Variants in LTBP1 observed in about 807,000 individuals in gnomAD.
LTBP1 encodes latent transforming growth factor beta binding protein 1, also known as latent-transforming growth factor beta-binding protein 1.
LTBP1 carries 129 observed loss-of-function variants against 207.6 expected under a neutral mutation model. The ratio of observed to expected loss-of-function variants is 0.62; its 90% CI spans 0.54 to 0.72. The LOEUF (loss-of-function observed/expected upper bound fraction) is 0.72, where lower values mean the gene tolerates loss of function less well. LTBP1 is among the 30% of genes least tolerant of loss of function. LTBP1 has a pLI of 0.00. For missense variants in LTBP1, 2,281 were observed against 2,217.2 expected, an observed-to-expected ratio of 1.03 and a Z score of -0.58; for synonymous variants, 963 against 833.7, an observed-to-expected ratio of 1.16 and a Z score of -2.67.
At chr2:33,373,890 A>G (rs924265398) in intron 31 of LTBP1, among the ~76,000 whole-genome samples, 17 of 152,228 alleles carry the variant, frequency 1.1e-4, no homozygotes, top group African/African-American at 3.9e-4. Flanking sequence ...TAAATTCACC[A>G]TTTGCTGTGA....
At chr2:33,242,895 T>C (rs2092383797) in intron 9 of LTBP1, among the ~76,000 whole-genome samples, 2 of 152,240 alleles carry the variant, frequency 1.3e-5, no homozygotes, top group Admixed American at 1.3e-4. Context: ...ACCTTTAGTA[T>C]ATAGCTCCCT....
At chr2:33,306,267 G>C (rs1055962930) in intron 22 of LTBP1, among the ~76,000 whole-genome samples, 3 of 152,100 alleles carry the variant, frequency 2.0e-5, no homozygotes, top group Admixed American at 1.3e-4. Context: ...GAATCAAATT[G>C]CTTTAAAGTA....
At chr2:33,266,102 C>G (rs1033688507) in intron 15 of LTBP1, among the ~76,000 whole-genome samples, 1 of 152,238 alleles carries the variant, frequency 6.6e-6, no homozygotes, top group Admixed American at 6.5e-5. Flanking sequence ...TCACCACAGG[C>G]TCAGAAGTGC....
intron 31 of LTBP1, among the ~76,000 whole-genome samples, chr2:33,368,491 AATGAACCTCCATGT>A (rs2095027865): frequency 6.6e-6 from 1 of 152,246 alleles, no homozygotes; most frequent in Non-Finnish European, 1.5e-5. Context: ...ACAATGCTGC[AATGAACCTCCATGT>A]ATGCGTCTGC....
At chr2:33,324,696 TATC>T (rs1444692210) in intron 24 of LTBP1, among the ~76,000 whole-genome samples, 1 of 145,476 alleles carries the variant, frequency 6.9e-6, no homozygotes, top group Non-Finnish European at 1.5e-5. Flanking sequence ...TACTGTATTC[TATC>T]TTTTTTTTTT....
At chr2:33,270,544 C>T (rs1232521935) in intron 15 of LTBP1, among the ~76,000 whole-genome samples, 2 of 135,558 alleles carry the variant, frequency 1.5e-5, no homozygotes, top group Admixed American at 8.5e-5. Flanking sequence ...GAGCCGAGAT[C>T]GTGCCACTGC....
At position 33,222,149 on chromosome 2, in the gene LTBP1, A is replaced by G. The variant is rs762088730; in HGVS notation, c.1874A>G (p.Gln625Arg). The G allele has an allele frequency of 1.9e-6, 3 of 1,606,076 alleles. No homozygotes were observed. The highest frequency in any genetic ancestry group is 2.2e-5 in the South Asian group (2 of 90,966). ...AAGCGGGTTAACAACACCTTTTGCC[A>G]AGGTAAGACTAACTGAATTCATTGA... ...GYKRVNNTFC[Q>R]DINECQLQGV... Residue 625 changes from glutamine to arginine, a missense_variant and splice_region_variant, in exon 9 of 34, where the codon CAA (glutamine) becomes CGA (arginine). By Grantham distance (43) the Gln-to-Arg change is conservative. This residue lies in a region of LTBP1 where 1,671 missense variants were observed against 1,634.8 expected (regional missense o/e 1.02). Coordinates refer to ENST00000404816, the MANE Select transcript of LTBP1 (RefSeq NM_206943.4).
chr2:32,993,659 C>G (rs887111182), intron 2 of LTBP1, among the ~76,000 whole-genome samples: 1 of 152,132 alleles, frequency 6.6e-6, no homozygotes, highest in Non-Finnish European at 1.5e-5. Flanking sequence ...TACTGAAGGC[C>G]GTGTGGGGAA....
intron 24 of LTBP1, among the ~76,000 whole-genome samples, chr2:33,336,260 C>A (rs75348861): frequency 1.3e-5 from 2 of 152,308 alleles, no homozygotes; most frequent in South Asian, 4.1e-4. Flanking sequence ...TTTGGGCTCA[C>A]AGTTTGGTTA....
At chr2:33,012,180 AAAATTGAGCATAG>A (rs1311410904) in intron 2 of LTBP1, among the ~76,000 whole-genome samples, 1 of 152,242 alleles carries the variant, frequency 6.6e-6, no homozygotes, top group Non-Finnish European at 1.5e-5. Context: ...TGCCTGGTGC[AAAATTGAGCATAG>A]AATTGTCACT....
At chr2:33,078,857 C>CTTTTTTTT (rs879714056) in intron 3 of LTBP1, among the ~76,000 whole-genome samples, 1,466 of 91,958 alleles carry the variant, frequency 0.016, 18 homozygotes, top group East Asian at 0.032. Flanking sequence ...CTTTTCTTTT[C>CTTTTTTTT]TTTTCTTTTT....
intron 3 of LTBP1, among the ~76,000 whole-genome samples, chr2:33,050,006 C>T (rs577369196): frequency 2.3e-3 from 345 of 151,934 alleles, no homozygotes; most frequent in Non-Finnish European, 3.8e-3. Context: ...TGCGCCCAGC[C>T]AATTTTTACA....
chr2:33,303,752 T>G (rs1216357065), intron 22 of LTBP1, among the ~76,000 whole-genome samples: 7 of 152,172 alleles, frequency 4.6e-5, no homozygotes, highest in African/African-American at 7.2e-5. Flanking sequence ...CAGCTGCTGA[T>G]CTGTCAGGAG....
chr2:33,188,581 A>G lies in LTBP1; in HGVS notation c.1431A>G (p.Lys477=), dbSNP rs2148842643. The G allele has an allele frequency of 1.2e-6, 2 of 1,608,644 alleles. No homozygotes were observed. The highest frequency in any genetic ancestry group is 1.7e-4 in the Middle Eastern group (1 of 6,050). The change falls in exon 7 of 34, where the codon AAA becomes AAG. Residue 477 remains lysine, a synonymous_variant. Coordinates refer to ENST00000404816, the MANE Select transcript of LTBP1 (RefSeq NM_206943.4). ...TVTSQQGVKV[K]FPPNIVNIHV... is the part of the protein sequence containing the mutation. ...TTTCCTCCCAATCTGTTGTAGTGAA[A>G]TTTCCTCCTAACATAGTCAATATCC...
intron 3 of LTBP1, among the ~76,000 whole-genome samples, chr2:33,075,214 A>G (rs963112867): frequency 6.6e-5 from 10 of 152,234 alleles, no homozygotes; most frequent in African/African-American, 2.4e-4. Context: ...GGCTAACTTT[A>G]TACACAATGA....
chr2:33,395,553 T>G lies in LTBP1; in HGVS notation c.4835-1580T>G, dbSNP rs190195669. ...TCTCTGAAGGGCATGCTCTAAAGTT[T>G]CTTCTTCACCTATCTCCCCTCAGGG... On this transcript the variant is annotated intron_variant, in intron 32 of 33. Coordinates refer to ENST00000404816, the MANE Select transcript of LTBP1 (RefSeq NM_206943.4). 4.6e-5 allele frequency among the ~76,000 whole-genome samples: 7 copies of G among 152,320 alleles called. No homozygotes were observed. The East Asian group carries it at 1.3e-3, about 29-fold the overall frequency.
chr2:33,035,374 A>G (rs2075872933), intron 3 of LTBP1, among the ~76,000 whole-genome samples: 1 of 152,234 alleles, frequency 6.6e-6, no homozygotes, highest in East Asian at 1.9e-4. Flanking sequence ...TTGAAAAATT[A>G]GAGAGGAAAA....
At chr2:33,364,610 A>G (rs935138664) in intron 30 of LTBP1, among the ~76,000 whole-genome samples, 1 of 152,168 alleles carries the variant, frequency 6.6e-6, no homozygotes, top group African/African-American at 2.4e-5. Context: ...GGGTTGTTCC[A>G]TGGCTTAGGG....
intron 7 of LTBP1, among the ~76,000 whole-genome samples, chr2:33,207,191 A>C (rs1361338223): frequency 6.6e-6 from 1 of 152,182 alleles, no homozygotes. Context: ...TTTCATGCTT[A>C]AGAGGGTTTT....
Sources: allele counts gnomAD v4.1 joint callset (sites outside exome capture counted in the v4.1 genomes callset), GRCh38; gene constraint gnomAD v4.1.1; regional missense constraint gnomAD v4.1.1; transcripts MANE v1.5; gene names NCBI Gene and HGNC (gene_info 2026-07-23, HGNC 2026-07-21).